The following SNX31 variants were observed in gnomAD, a reference collection of about 807,000 sequenced individuals.
SNX31 encodes sorting nexin-31.
SNX31 carries 58 observed loss-of-function variants against 65.4 expected under a neutral mutation model. That is an observed-to-expected ratio of 0.89 (90% CI 0.72 to 1.10). The LOEUF is 1.10. SNX31 is among the 50% of genes least tolerant of loss of function. The probability of loss-of-function intolerance (pLI) is 0.00; values close to 1 mark genes in which losing one functional copy is unlikely to be tolerated. For synonymous variants in SNX31, 181 were observed against 190.1 expected (o/e 0.95, Z 0.39); for missense variants, 523 against 529.7 (o/e 0.99, Z 0.12).
Position 100,584,172 on chromosome 8 carries a change from C to G in SNX31, c.1109G>C (p.Ser370Thr), listed in dbSNP as rs1266700158. 6.3e-7 allele frequency: 1 copy of G among 1,595,930 alleles called. No homozygotes were observed. Among genetic ancestry groups the G allele is most frequent in the African/African-American group, 1.4e-5 (1 of 73,374 alleles). Reference sequence around the variant, plus strand: ...TTCTGAGATCATCTTTTTCAAGCAGCTACTCAGCAAAAAAGCCTAAGAAAT... The same window carrying G: ...TTCTGAGATCATCTTTTTCAAGCAGGTACTCAGCAAAAAAGCCTAAGAAAT... ...IYTKQAFLLS[S>T]CLKKMISEKM... The change falls in exon 12 of 14, where the codon AGC (serine) becomes ACC (threonine). Residue 370 changes from serine (S) to threonine (T), a missense_variant. Ser to Thr is a moderately conservative substitution (Grantham distance 58). Transcript: ENST00000311812.
intron 4 of SNX31, among the ~76,000 whole-genome samples, chr8:100,621,095 G>T (rs1817651227): frequency 1.3e-5 from 2 of 152,168 alleles, no homozygotes; most frequent in South Asian, 4.1e-4. Context: ...AGTAAGCTGA[G>T]ATTGCACCAC....
rs1809766405 is a variant in SNX31 at position 100,660,608 on chromosome 8, T to C, written c.-58+2534A>G. Among the ~76,000 whole-genome samples the C allele has an allele frequency of 1.3e-5, 2 of 152,170 alleles. No individual in the cohort carries two copies. The highest frequency in any genetic ancestry group is 2.4e-5 in the African/African-American group (1 of 41,442). ...CCTGACCTGACAGAAGAAGGTTCTG[T>C]AGGGGTCAAACTTGATGCCCAGAAA... On this transcript the variant is annotated intron_variant, in intron 1 of 5. Coordinates refer to the SNX31 transcript ENST00000520352. The surrounding 1 kb of genome is among the most constrained non-coding windows in gnomAD (Gnocchi z 4.1).
intron 5 of SNX31, among the ~76,000 whole-genome samples, chr8:100,615,676 T>C (rs1377473408): frequency 6.6e-6 from 1 of 152,244 alleles, no homozygotes; most frequent in African/African-American, 2.4e-5. Flanking sequence ...AGCCCAGGTT[T>C]ATAGTAGTAT....
At chr8:100,644,409 T>C (rs543790106) in intron 2 of SNX31, among the ~76,000 whole-genome samples, 2 of 152,298 alleles carry the variant, frequency 1.3e-5, no homozygotes, top group South Asian at 4.1e-4. Context: ...TTAAATCTAT[T>C]TGGGCAGGGT....
rs1819867136 is a variant in SNX31 at position 100,649,317 on chromosome 8, A to G, written c.98T>C (p.Phe33Ser). 6.2e-7 allele frequency: 1 copy of G among 1,614,062 alleles called. No homozygotes were observed. Among genetic ancestry groups the G allele is most frequent in the Non-Finnish European group, 8.5e-7 (1 of 1,179,942 alleles). Residue 33 changes from phenylalanine to serine, a missense_variant, in exon 2 of 14, where the codon TTC (phenylalanine) becomes TCC (serine). Transcript: ENST00000311812. ...LYSVHLDGFLFCRVRYSQLHG... is the reference protein window; with the variant it reads ...LYSVHLDGFLSCRVRYSQLHG... ...CAGCTGGCTGTAGCGCACCCTGCAG[A>G]AGAGGAACCCGTCCAGGTGCACGGA...
chr8:100,648,596 A>T lies in SNX31; in HGVS notation c.141+678T>A, dbSNP rs1819808480. ...TTTCTAAACTTTCATTTACTTCTCT[A>T]ATCCATTTTGAAGACTTATAACACC... On this transcript the variant is annotated intron_variant, in intron 2 of 13. Transcript: ENST00000311812. This position sits in a 1 kb window ranked among gnomAD's most constrained non-coding sequence, Gnocchi z 4.3. Among the ~76,000 whole-genome samples the T allele has an allele frequency of 6.6e-6, 1 of 152,146 alleles. No individual in the cohort carries two copies. The highest frequency in any genetic ancestry group is 6.5e-5 in the Admixed American group (1 of 15,272).
intron 2 of SNX31, among the ~76,000 whole-genome samples, chr8:100,637,147 C>G (rs1272457607): frequency 6.6e-6 from 1 of 152,194 alleles, no homozygotes; most frequent in African/African-American, 2.4e-5. Flanking sequence ...GACCCATGAC[C>G]ATGGCAGTAA....
At chr8:100,662,010 A>C (rs976538241) in intron 1 of SNX31, among the ~76,000 whole-genome samples, 4 of 152,152 alleles carry the variant, frequency 2.6e-5, no homozygotes, top group African/African-American at 9.7e-5. Context: ...TTTTTAGTAG[A>C]GACAGGGTTT....
chr8:100,609,890 A>G lies in SNX31; in HGVS notation c.612-1327T>C, dbSNP rs1816548526. On this transcript the variant is annotated intron_variant, in intron 7 of 13. Coordinates refer to ENST00000311812, the MANE Select transcript of SNX31 (RefSeq NM_152628.4). The surrounding 1 kb of genome is among the most constrained non-coding windows in gnomAD (Gnocchi z 4.9). ...GCCTGGAGGAAGCCATATCATCATC[A>G]TTGGAGAGATGCACCCAGGCATCTC... 6.6e-6 allele frequency among the ~76,000 whole-genome samples: 1 copy of G among 152,154 alleles called. No homozygotes were observed. The highest frequency in any genetic ancestry group is 1.5e-5 in the Non-Finnish European group (1 of 68,026).
chr8:100,581,333 C>CTATATATATATATATA (rs1330316859), intron 12 of SNX31, among the ~76,000 whole-genome samples: 1 of 137,198 alleles, frequency 7.3e-6, no homozygotes, highest in African/African-American at 3.1e-5. Context: ...ATCTATCTAT[C>CTATATATATATATATA]TATCTATATA....
Position 100,596,841 on chromosome 8 carries a change from A to G in SNX31, c.776T>C (p.Phe259Ser). 2 of 1,613,388 alleles carry G rather than the reference A, an allele frequency of 1.2e-6. No individual in the cohort carries two copies. The highest frequency in any genetic ancestry group is 1.7e-6 in the Non-Finnish European group (2 of 1,179,992). Reference sequence around the variant, plus strand: ...CCGTACCTCCCGGGCCAGCTCCAAAAACTGCTCCAAAGAGGGTGATGTGGG... The same window carrying G: ...CCGTACCTCCCGGGCCAGCTCCAAAGACTGCTCCAAAGAGGGTGATGTGGG... ...AFQKEDSQTK[F>S]LELAREVRHY... The change falls in exon 10 of 14, where the codon TTT becomes TCT. Residue 259 changes from phenylalanine to serine, a missense_variant and splice_region_variant. Phe to Ser is a radical substitution (Grantham distance 155, BLOSUM62 -2). Coordinates refer to ENST00000311812, the MANE Select transcript of SNX31 (RefSeq NM_152628.4).
At position 100,623,551 on chromosome 8, in the gene SNX31, GAAA is replaced by G. The variant is rs376367328; in HGVS notation, c.322-5824_322-5822del. 1.1e-3 allele frequency among the ~76,000 whole-genome samples: 160 copies of G among 152,232 alleles called. 2 individuals are homozygous for G. Among genetic ancestry groups the G allele is most frequent in the Admixed American group, 5.6e-3 (86 of 15,294 alleles). On this transcript the variant is annotated intron_variant, in intron 4 of 13. Transcript: ENST00000311812. ...AACCTCACTTCCTATTAGTCACAGA[GAAA>G]ACAGCAAGATGGGAACTTACTCTGC...
rs1341488268 is a variant in SNX31, at chr8:100,591,483, C to T, written c.979-2504G>A. 2.7e-3 allele frequency among the ~76,000 whole-genome samples: 227 copies of T among 83,786 alleles called. 2 individuals are homozygous for T. Among genetic ancestry groups the T allele is most frequent in the East Asian group, 9.0e-4 (3 of 3,348 alleles). 55.0% of individuals were successfully genotyped at this position (83,786 alleles called of 152,430 possible). On this transcript the variant is annotated intron_variant, in intron 10 of 13. Transcript: ENST00000311812. Reference sequence around the variant, plus strand: ...CAGCCTGGGCAACAGAGTGAGACTCCGTCTCAAAAAAAAAAAAAAAAAAAA... The same window carrying T: ...CAGCCTGGGCAACAGAGTGAGACTCTGTCTCAAAAAAAAAAAAAAAAAAAA...
At chr8:100,654,534 G>C (rs1239882779), upstream of SNX31, among the ~76,000 whole-genome samples, 1 of 152,210 alleles carries the variant, frequency 6.6e-6, no homozygotes, top group Non-Finnish European at 1.5e-5. Flanking sequence ...AGAGTCCCCA[G>C]ATTTGAGGGA....
chr8:100,654,945 A>G (rs2978106), intron 1 of SNX31, among the ~76,000 whole-genome samples: 94,473 of 152,120 alleles, frequency 0.62, 31,520 homozygotes, highest in African/African-American at 0.87. Flanking sequence ...CCCAGGAGGC[A>G]GAGGTTGCAG....
In SNX31 at chr8:100,584,364, T is replaced by C. The variant is rs967809651; in HGVS notation, c.1093-176A>G. ...ATAAGATCCAATTAGTAAGTAACTATAAATTTTCTCAATTATGTGGATATA... is the reference window on the plus strand; with the variant it reads ...ATAAGATCCAATTAGTAAGTAACTACAAATTTTCTCAATTATGTGGATATA... On this transcript the variant is annotated intron_variant, in intron 11 of 13. Coordinates refer to ENST00000311812, the MANE Select transcript of SNX31 (RefSeq NM_152628.4). Among the ~76,000 whole-genome samples, 3 of 152,338 alleles carry C rather than the reference T, an allele frequency of 2.0e-5. 1 individual carries two copies.
At chr8:100,597,531 C>G (rs1173742116) in intron 9 of SNX31, among the ~76,000 whole-genome samples, 1 of 152,234 alleles carries the variant, frequency 6.6e-6, no homozygotes, top group Non-Finnish European at 1.5e-5. Context: ...ACGTGAGCCA[C>G]TGTGCCTGGC....
chr8:100,616,797 G>A (rs889143755), intron 5 of SNX31, among the ~76,000 whole-genome samples: 5 of 152,140 alleles, frequency 3.3e-5, no homozygotes, highest in East Asian at 1.9e-4. Context: ...GAGTGCTTCC[G>A]TTTCTCAGCT....
chr8:100,661,541 A>AAT (rs146090526), intron 1 of SNX31, among the ~76,000 whole-genome samples: 4 of 151,968 alleles, frequency 2.6e-5, no homozygotes, highest in Admixed American at 6.6e-5. Flanking sequence ...AATGATAGCT[A>AAT]ATATATATAT....
Sources: gnomAD v4.1 joint callset for allele counts (sites outside exome capture counted in the v4.1 genomes callset) on GRCh38, gnomAD v4.1.1 for gene constraint, Gnocchi (gnomAD v3.1) non-coding constraint, MANE v1.5 for transcripts, NCBI Gene and HGNC (gene_info 2026-07-23, HGNC 2026-07-21) for gene names.